The following DNAAF4 variants were observed in gnomAD, a reference collection of about 807,000 sequenced individuals.
DNAAF4 encodes dynein axonemal assembly factor 4, also known as dynein assembly factor 4, axonemal.
In DNAAF4, 43 loss-of-function variants were observed where a neutral mutation model predicts 51.8. That is an observed-to-expected ratio of 0.83 (90% CI 0.65 to 1.07). The LOEUF (loss-of-function observed/expected upper bound fraction) is 1.07, where lower values mean the gene tolerates loss of function less well. DNAAF4 is among the 50% of genes least tolerant of loss of function. The pLI is 0.00. For missense variants in DNAAF4, 581 were observed against 493.0 expected, an observed-to-expected ratio of 1.18 and a Z score of -1.69; for synonymous variants, 194 against 165.6, an observed-to-expected ratio of 1.17 and a Z score of -1.32.
At position 55,435,022 on chromosome 15, in the gene DNAAF4, G is replaced by C. The variant is rs1228023741; in HGVS notation, c.930C>G (p.Ile310Met). ...GTCTTATGGCTAAATTATATGCATT[G>C]ATAGCTGCCAAATAGTTTTCCGTTG... ...LFATENYLAA[I>M]NAYNLAIRLN... Residue 310 changes from isoleucine (I) to methionine (M), a missense_variant, in exon 8 of 10, where the codon ATC becomes ATG. Coordinates refer to ENST00000321149, the MANE Select transcript of DNAAF4 (RefSeq NM_130810.4). The C allele has an allele frequency of 1.2e-6, 2 of 1,607,780 alleles. No individual in the cohort carries two copies. The highest frequency in any genetic ancestry group is 1.7e-6 in the Non-Finnish European group (2 of 1,178,346).
At chr15:55,484,434 G>A (rs1426367956) in intron 4 of DNAAF4, among the ~76,000 whole-genome samples, 8 of 149,992 alleles carry the variant, frequency 5.3e-5, no homozygotes, top group East Asian at 2.0e-4. Flanking sequence ...GCAGTGAGCC[G>A]AGATCGCACC....
chr15:55,473,223 G>A (rs35712865), intron 4 of DNAAF4, among the ~76,000 whole-genome samples: 3,457 of 35,950 alleles, frequency 0.096, 401 homozygotes, highest in African/African-American at 0.22. Context: ...ATATATATAT[G>A]TGTGTGTGTA....
Position 55,430,603 on chromosome 15 carries a change from A to C in DNAAF4, c.*67T>G. 3 of 1,553,052 alleles carry C rather than the reference A, an allele frequency of 1.9e-6. No homozygotes were observed. The highest frequency in any genetic ancestry group is 2.6e-6 in the Non-Finnish European group (3 of 1,151,202). ...GCGATTCTGTACAACTGGCCATAATATGTACAAAGATGCCTCCAGTTGTTT... is the reference window on the plus strand; with the variant it reads ...GCGATTCTGTACAACTGGCCATAATCTGTACAAAGATGCCTCCAGTTGTTT... On this transcript the variant is annotated 3_prime_UTR_variant, in exon 10 of 10. Coordinates refer to ENST00000321149, the MANE Select transcript of DNAAF4 (RefSeq NM_130810.4).
In DNAAF4 at chr15:55,460,179, A is replaced by AT. The variant is rs760588937; in HGVS notation, c.637+6750dup. ...AATTTATTTATTTATTTATTTACTT[A>AT]TTTATTTATTTTTTTTTTTGAGACA... is the stretch of plus-strand genomic sequence containing the variant. On this transcript the variant is annotated intron_variant, in intron 5 of 9. Transcript: ENST00000321149. Among the ~76,000 whole-genome samples, 408 of 123,850 alleles carry AT rather than the reference A, an allele frequency of 3.3e-3. 8 individuals are homozygous for AT. The highest frequency in any genetic ancestry group is 0.022 in the Middle Eastern group (5 of 232). The allele number at this position is 123,850 out of a possible 152,430, so 81.3% of individuals were successfully genotyped here.
intron 4 of DNAAF4, among the ~76,000 whole-genome samples, chr15:55,473,129 G>T (rs2058278887): frequency 7.0e-6 from 1 of 143,698 alleles, no homozygotes; most frequent in South Asian, 2.2e-4. Context: ...CTGCGCCACT[G>T]CATTCCAGCC....
Position 55,441,417 on chromosome 15 carries a change from C to CTT in DNAAF4, c.784-1838_784-1837dup, listed in dbSNP as rs558120319. Among the ~76,000 whole-genome samples, 11 of 151,522 alleles carry CTT rather than the reference C, an allele frequency of 7.3e-5. No individual in the cohort carries two copies. In the East Asian group the frequency reaches 1.4e-3, roughly 19 times the overall value. On this transcript the variant is annotated intron_variant, in intron 6 of 9. Transcript: ENST00000321149. ...TCTGGGTTATAATATTTTCATTTTT[C>CTT]TTTTTTTTTACTATACTTTAAGTTC...
rs1412237319 is a variant in DNAAF4, at chr15:55,430,792, A to G, written c.1154-13T>C. ...TAATCCTGTAGGCCTGTGTTTATAT[A>G]GCAATGATGATTAATACAATAAATA... is the stretch of plus-strand genomic sequence containing the variant. On this transcript the variant is annotated splice_polypyrimidine_tract_variant and intron_variant, in intron 9 of 9. Coordinates refer to ENST00000321149, the MANE Select transcript of DNAAF4 (RefSeq NM_130810.4). 3.2e-6 allele frequency: 5 copies of G among 1,570,654 alleles called. No homozygotes were observed. Among genetic ancestry groups the G allele is most frequent in the African/African-American group, 1.4e-5 (1 of 73,976 alleles).
At chr15:55,458,492 G>GA (rs1567016026) in intron 5 of DNAAF4, among the ~76,000 whole-genome samples, 1 of 151,702 alleles carries the variant, frequency 6.6e-6, no homozygotes. Context: ...CAAAGACAAA[G>GA]AAAAAAAGAA....
Position 55,460,186 on chromosome 15 carries a change from TA to T in DNAAF4, c.637+6743del, listed in dbSNP as rs201127274. On this transcript the variant is annotated intron_variant, in intron 5 of 9. Transcript: ENST00000321149. ...TTATTTATTTATTTACTTATTTATT[TA>T]TTTTTTTTTTTGAGACAGAGTCTCA... Among the ~76,000 whole-genome samples, 19 of 146,688 alleles carry T rather than the reference TA, an allele frequency of 1.3e-4. 4 individuals carry two copies. The highest frequency in any genetic ancestry group is 4.7e-4 in the Admixed American group (7 of 14,834).
chr15:55,497,426 C>T (rs2058655540), intron 3 of DNAAF4, among the ~76,000 whole-genome samples: 1 of 151,836 alleles, frequency 6.6e-6, no homozygotes, highest in East Asian at 1.9e-4. Context: ...CATGGCAAAA[C>T]GCTCTACCAA....
intron 8 of DNAAF4, among the ~76,000 whole-genome samples, chr15:55,433,197 G>A (rs7177113): frequency 0.11 from 16,755 of 152,088 alleles, 1,351 homozygotes; most frequent in African/African-American, 0.22. Context: ...CTACTCAGGA[G>A]GCTGAGGCAG....
At chr15:55,438,374 T>C (rs572644738) in intron 7 of DNAAF4, among the ~76,000 whole-genome samples, 1 of 150,142 alleles carries the variant, frequency 6.7e-6, no homozygotes, top group Non-Finnish European at 1.5e-5. Context: ...AAAATCCATA[T>C]ACAAATGAAT....
chr15:55,445,082 C>G (rs1212437689), intron 6 of DNAAF4, among the ~76,000 whole-genome samples: 1 of 90,688 alleles, frequency 1.1e-5, no homozygotes, highest in Non-Finnish European at 2.1e-5. Flanking sequence ...TTGGGTGTTT[C>G]TCAGAGAGGG....
intron 1 of DNAAF4, among the ~76,000 whole-genome samples, chr15:55,504,913 T>G (rs1213937830): frequency 3.3e-5 from 5 of 151,990 alleles, no homozygotes; most frequent in Non-Finnish European, 5.9e-5. Context: ...AAGCCAAAAT[T>G]GACAAATGGG....
chr15:55,501,507 C>G (rs1413348049), intron 1 of DNAAF4, among the ~76,000 whole-genome samples: 1 of 150,810 alleles, frequency 6.6e-6, no homozygotes, highest in Admixed American at 6.6e-5. Context: ...TCCCTAGTAG[C>G]TGGGACTACA....
chr15:55,500,654 T>A (rs1393445406), intron 1 of DNAAF4, among the ~76,000 whole-genome samples: 1 of 152,136 alleles, frequency 6.6e-6, no homozygotes, highest in African/African-American at 2.4e-5. Context: ...CTGACTACCA[T>A]GATCCTACTA....
intron 5 of DNAAF4, among the ~76,000 whole-genome samples, chr15:55,453,849 C>CA (rs1204786251): frequency 6.6e-6 from 1 of 151,266 alleles, no homozygotes; most frequent in Admixed American, 6.6e-5. Flanking sequence ...AGCGCCTGGC[C>CA]AAAAAACAGA....
rs190094627 is a variant in DNAAF4, at chr15:55,450,132, G to A, written c.783+90C>T. ...TTTCTTTAGTGTAATAAATACTTAA[G>A]AAATTCAGAACCAGTACTAATTTCA... On this transcript the variant is annotated intron_variant, in intron 6 of 9. Transcript: ENST00000321149. 5.3e-3 allele frequency: 7,159 copies of A among 1,357,412 alleles called. 28 individuals are homozygous for A. The highest frequency in any genetic ancestry group is 6.3e-3 in the Non-Finnish European group (6,363 of 1,016,538). 84.1% of individuals were successfully genotyped at this position (1,357,412 alleles called of 1,614,324 possible). A position where few individuals can be genotyped will look rare whatever the true frequency, so the allele number is the denominator to read the frequency against.
At position 55,485,303 on chromosome 15, in the gene DNAAF4, C is replaced by T. The variant is rs1179755315; in HGVS notation, c.405+5820G>A. ...GAAAGATGGGAGGATTTTTTAAATGCCAGAATCATGAAAGTTATTATCATA... is the reference window on the plus strand; with the variant it reads ...GAAAGATGGGAGGATTTTTTAAATGTCAGAATCATGAAAGTTATTATCATA... On this transcript the variant is annotated intron_variant, in intron 4 of 9. Coordinates refer to ENST00000321149, the MANE Select transcript of DNAAF4 (RefSeq NM_130810.4). Among the ~76,000 whole-genome samples the T allele has an allele frequency of 2.0e-5, 3 of 152,128 alleles. No individual in the cohort carries two copies. The East Asian group carries it at 5.8e-4, about 29-fold the overall frequency.
Sources: allele counts gnomAD v4.1 joint callset (sites outside exome capture counted in the v4.1 genomes callset), GRCh38; gene constraint gnomAD v4.1.1; transcripts MANE v1.5; gene names NCBI Gene and HGNC (gene_info 2026-07-23, HGNC 2026-07-21).